The following PRDM2 variants were observed in gnomAD, a reference collection of about 807,000 sequenced individuals.
PRDM2 encodes PR/SET domain 2.
A neutral mutation model predicts 130.0 loss-of-function variants in PRDM2; 30 were observed. The observed-to-expected ratio is 0.23, with a 90% confidence interval of 0.17 to 0.31. The LOEUF is 0.31. PRDM2 is among the 10% of genes least tolerant of loss of function. The pLI, the probability that PRDM2 is intolerant of heterozygous loss-of-function variation, is 1.00. For synonymous variants in PRDM2, 871 were observed against 782.4 expected (o/e 1.11, Z -1.89); for missense variants, 2,011 against 2,108.4 (o/e 0.95, Z 0.90).
At chr1:13,785,140 A>G (rs1332504691) in intron 8 of PRDM2, among the ~76,000 whole-genome samples, 1 of 152,212 alleles carries the variant, frequency 6.6e-6, no homozygotes. Flanking sequence ...GCCTCAGTGC[A>G]TATTTGTTGC....
At chr1:13,705,896 C>T (rs758649825) in intron 1 of PRDM2, among the ~76,000 whole-genome samples, 11 of 149,516 alleles carry the variant, frequency 7.4e-5, no homozygotes, top group East Asian at 4.0e-4. Context: ...GCAGAAGAAT[C>T]GCTTGAACCT....
rs1020707744 is a variant in PRDM2, at chr1:13,803,534, T to C, written c.5037-12893T>C. Among the ~76,000 whole-genome samples the C allele has an allele frequency of 5.3e-5, 8 of 152,116 alleles. No homozygotes were observed. The East Asian group carries it at 1.4e-3, about 26-fold the overall frequency. ...CCCAAATAAGCAGTGAGCCTAGTCC[T>C]GTCTCCTCACTGCTCCCAAGAACAA... On this transcript the variant is annotated intron_variant, in intron 8 of 9. Coordinates refer to ENST00000311066, the MANE Select transcript of PRDM2 (RefSeq NM_001393986.1). This position sits in a 1 kb window ranked among gnomAD's most constrained non-coding sequence, Gnocchi z 6.2.
rs1369801801 is a variant in PRDM2, at chr1:13,780,845, A to G, written c.3050A>G (p.Gln1017Arg). The change falls in exon 8 of 10, where the codon CAG (glutamine) becomes CGG (arginine). Residue 1017 changes from glutamine to arginine, a missense_variant. Gln to Arg is a conservative substitution (Grantham distance 43). Around this residue, in one of 5 missense-constraint regions of PRDM2, gnomAD observed 1,288 missense variants for 1,237.7 expected, o/e 1.04. Coordinates refer to ENST00000311066, the MANE Select transcript of PRDM2 (RefSeq NM_001393986.1). ...TCTCCACTCTCAAATGCCACCGCAC[A>G]GTCCCCACTTCCAATTCTGTCCCCA... ...CPSPLSNATAQSPLPILSPTV... is the reference protein window; with the variant it reads ...CPSPLSNATARSPLPILSPTV... 2 of 1,601,658 alleles carry G rather than the reference A, an allele frequency of 1.2e-6. No individual in the cohort carries two copies. Among genetic ancestry groups the G allele is most frequent in the Admixed American group, 1.7e-5 (1 of 58,780 alleles).
chr1:13,757,679 A>G (rs1310824694), intron 6 of PRDM2, among the ~76,000 whole-genome samples: 1 of 152,144 alleles, frequency 6.6e-6, no homozygotes, highest in Admixed American at 6.5e-5. Context: ...TTGTGGATAT[A>G]ATTGAGTTAC....
Position 13,779,225 on chromosome 1 carries a change from G to A in PRDM2, c.1430G>A (p.Gly477Glu), listed in dbSNP as rs1162935793. The A allele has an allele frequency of 6.2e-7, 1 of 1,614,018 alleles. No homozygotes were observed. Among genetic ancestry groups the A allele is most frequent in the Non-Finnish European group, 8.5e-7 (1 of 1,180,028 alleles). Reference sequence around the variant, plus strand: ...AATTCTTCTGTCGTAGAAGAGAATGGGGAAGTTAAAGAACTTCATCCGTGC... The same window carrying A: ...AATTCTTCTGTCGTAGAAGAGAATGAGGAAGTTAAAGAACTTCATCCGTGC... ...TINSSVVEEN[G>E]EVKELHPCKY... The change falls in exon 8 of 10, where the codon GGG becomes GAG. Residue 477 changes from glycine to glutamate, a missense_variant. Coordinates refer to ENST00000311066, the MANE Select transcript of PRDM2 (RefSeq NM_001393986.1). The surrounding 1 kb of genome is among the most constrained non-coding windows in gnomAD (Gnocchi z 4.9).
chr1:13,812,333 G>T lies in PRDM2; in HGVS notation c.5037-4094G>T, dbSNP rs745756977. Among the ~76,000 whole-genome samples the T allele has an allele frequency of 1.4e-3, 5 of 3,504 alleles. 1 individual carries two copies. The highest frequency in any genetic ancestry group is 4.0e-3 in the African/African-American group (2 of 498). 2.3% of individuals were successfully genotyped at this position (3,504 alleles called of 152,430 possible). A position where few individuals can be genotyped will look rare whatever the true frequency, so the allele number is the denominator to read the frequency against. On this transcript the variant is annotated intron_variant, in intron 8 of 9. Transcript: ENST00000311066. ...GGATCAGCTTTAGGGTAAGCACAGC[G>T]GGGGGTCTCACAGGCCCCATGATCA...
At chr1:13,748,231 T>G (rs1362482540) in intron 5 of PRDM2, among the ~76,000 whole-genome samples, 1 of 152,244 alleles carries the variant, frequency 6.6e-6, no homozygotes, top group African/African-American at 2.4e-5. Flanking sequence ...AAATATTTTA[T>G]GGGGAGATAT....
rs946249421 is a variant in PRDM2 at position 13,803,096 on chromosome 1, G to T, written c.5037-13331G>T. ...GAACCCCTGTGCTGAATGGAGTGGG[G>T]AAGGTGGGCTGGGGAGGCCTGAGGG... On this transcript the variant is annotated intron_variant, in intron 8 of 9. Coordinates refer to ENST00000311066, the MANE Select transcript of PRDM2 (RefSeq NM_001393986.1). The surrounding 1 kb of genome is among the most constrained non-coding windows in gnomAD (Gnocchi z 6.2). Among the ~76,000 whole-genome samples the T allele has an allele frequency of 3.9e-5, 6 of 152,232 alleles. No individual in the cohort carries two copies. Among genetic ancestry groups the T allele is most frequent in the Admixed American group, 3.9e-4 (6 of 15,288 alleles).
At chr1:13,715,518 C>A in intron 1 of PRDM2, 23 bp from the exon 2 acceptor site, 1 of 1,215,510 alleles carries the variant, frequency 8.2e-7, no homozygotes, top group Non-Finnish European at 1.1e-6. Context: ...GTACATATTA[C>A]AATTGTCTGT....
intron 6 of PRDM2, among the ~76,000 whole-genome samples, chr1:13,766,315 G>T (rs567025570): frequency 6.6e-6 from 1 of 152,330 alleles, no homozygotes; most frequent in African/African-American, 2.4e-5. Flanking sequence ...CTGCAAAAGG[G>T]TGAGATTCTA....
chr1:13,754,187 G>C (rs1203682), intron 6 of PRDM2, among the ~76,000 whole-genome samples: 26,073 of 152,120 alleles, frequency 0.17, 2,839 homozygotes, highest in Admixed American at 0.24. Context: ...AAACCTACAT[G>C]AGTATTTTTG....
chr1:13,711,851 A>G (rs956797416), intron 1 of PRDM2, among the ~76,000 whole-genome samples: 3 of 152,116 alleles, frequency 2.0e-5, no homozygotes, highest in Non-Finnish European at 4.4e-5. Context: ...ACACAGATAT[A>G]TAGTGAATCT....
intron 9 of PRDM2, among the ~76,000 whole-genome samples, chr1:13,818,146 C>G (rs1645287618): frequency 6.6e-6 from 1 of 152,170 alleles, no homozygotes; most frequent in Non-Finnish European, 1.5e-5. Context: ...GACCAGGGAA[C>G]CTGCATTAGC....
rs1195496730 is a variant in PRDM2 at position 13,782,548 on chromosome 1, A to T, written c.4753A>T (p.Thr1585Ser). ...CAGCCCGATAAGAATGGCCAAAATAACTCATGTTGAGGGGAAAAAACCTAA... is the reference window on the plus strand; with the variant it reads ...CAGCCCGATAAGAATGGCCAAAATATCTCATGTTGAGGGGAAAAAACCTAA... ...NSSPIRMAKI[T>S]HVEGKKPKAV... Residue 1585 changes from threonine to serine, a missense_variant, in exon 8 of 10, where the codon ACT becomes TCT. By Grantham distance (58) the Thr-to-Ser change is moderately conservative. This residue lies in a region of PRDM2 where 410 missense variants were observed against 395.9 expected (regional missense o/e 1.04). Transcript: ENST00000311066. The T allele has an allele frequency of 3.1e-6, 5 of 1,613,908 alleles. No individual in the cohort carries two copies. The Admixed American group carries it at 8.3e-5, about 27-fold the overall frequency.
At chr1:13,731,884 A>G (rs1274395612) in intron 3 of PRDM2, among the ~76,000 whole-genome samples, 1 of 152,184 alleles carries the variant, frequency 6.6e-6, no homozygotes, top group African/African-American at 2.4e-5. Context: ...AAACTTATTC[A>G]TTGAGCAGTT....
Position 13,823,449 on chromosome 1 carries a change from G to A in PRDM2, c.*314G>A, listed in dbSNP as rs1645385834. On this transcript the variant is annotated 3_prime_UTR_variant, in exon 10 of 10. Coordinates refer to ENST00000311066, the MANE Select transcript of PRDM2 (RefSeq NM_001393986.1). The stretch of plus-strand genomic sequence containing the variant: ...TGTTCTGCAGCCCAGCCTTCCTGTT[G>A]GGGTGGGGCCTCTCCTACTATGCAA... 3.8e-6 allele frequency: 2 copies of A among 520,426 alleles called. No individual in the cohort carries two copies. The highest frequency in any genetic ancestry group is 6.9e-6 in the Non-Finnish European group (2 of 291,800). The allele number at this position is 520,426 out of a possible 1,614,324, so 32.2% of individuals were successfully genotyped here.
At chr1:13,770,448 C>T (rs1335474609) in intron 6 of PRDM2, 2 of 305,952 alleles carry the variant, frequency 6.5e-6, no homozygotes, top group Non-Finnish European at 1.3e-5. Context: ...ACATGTAGAA[C>T]AGTGTACTTG....
intron 8 of PRDM2, chr1:13,786,971 A>C: frequency 1.0e-6 from 1 of 988,992 alleles, no homozygotes; most frequent in South Asian, 4.7e-5. Flanking sequence ...TTTTGGTCAC[A>C]TATCAGCTCT....
chr1:13,745,707 G>A (rs1349645349), intron 5 of PRDM2, among the ~76,000 whole-genome samples: 1 of 152,190 alleles, frequency 6.6e-6, no homozygotes, highest in Non-Finnish European at 1.5e-5. Flanking sequence ...ACAGGCGTGA[G>A]CCACCGTGCC....
Sources: allele counts gnomAD v4.1 joint callset (sites outside exome capture counted in the v4.1 genomes callset), GRCh38; gene constraint gnomAD v4.1.1; regional missense constraint gnomAD v4.1.1; non-coding constraint Gnocchi (gnomAD v3.1); transcripts MANE v1.5; gene names NCBI Gene and HGNC (gene_info 2026-07-23, HGNC 2026-07-21).